Variants in SPAG16 observed in about 807,000 individuals in gnomAD.
SPAG16 encodes sperm associated antigen 16.
SPAG16 carries 86 observed loss-of-function variants against 80.4 expected under a neutral mutation model. That is an observed-to-expected ratio of 1.07 (90% CI 0.90 to 1.28). SPAG16 has a LOEUF of 1.28. Among genes scored for constraint, SPAG16 ranks in the 50% most tolerant of loss-of-function variants. SPAG16 has a pLI of 0.00. For missense variants in SPAG16, 870 were observed against 765.3 expected (o/e 1.14, Z -1.61); for synonymous variants, 294 against 265.9 (o/e 1.11, Z -1.03).
At chr2:213,913,565 G>T (rs2077783619) in intron 11 of SPAG16, among the ~76,000 whole-genome samples, 1 of 113,886 alleles carries the variant, frequency 8.8e-6, no homozygotes, top group Non-Finnish European at 1.9e-5. Flanking sequence ...ATCTCTCTGT[G>T]TGTGTATATA....
intron 10 of SPAG16, among the ~76,000 whole-genome samples, chr2:213,796,403 A>G (rs180989329): frequency 6.6e-6 from 1 of 152,236 alleles, no homozygotes; most frequent in East Asian, 1.9e-4. Context: ...GTGTTTTTTA[A>G]TGTCTGAATT....
intron 10 of SPAG16, among the ~76,000 whole-genome samples, chr2:213,592,699 C>T (rs187585203): frequency 6.6e-6 from 1 of 152,228 alleles, no homozygotes; most frequent in African/African-American, 2.4e-5. Context: ...GTGTGCTCTC[C>T]ATGAAGGGAG....
chr2:214,040,298 C>A (rs905016188), intron 13 of SPAG16, among the ~76,000 whole-genome samples: 7 of 152,054 alleles, frequency 4.6e-5, no homozygotes, highest in Non-Finnish European at 1.0e-4. Context: ...TTCTTCCATT[C>A]TTTTAAACTT....
intron 10 of SPAG16, among the ~76,000 whole-genome samples, chr2:213,634,090 GTCTTC>G (rs1022621534): frequency 7.4e-4 from 113 of 152,012 alleles, no homozygotes; most frequent in African/African-American, 1.7e-3. Context: ...TTGTTTTGTG[GTCTTC>G]TCTTCTTTCT....
chr2:213,655,045 G>A (rs1389702424), intron 10 of SPAG16, among the ~76,000 whole-genome samples: 1 of 152,146 alleles, frequency 6.6e-6, no homozygotes, highest in East Asian at 1.9e-4. Context: ...TACTACAATG[G>A]TGGGTACATG....
chr2:214,164,666 G>C (rs1336303582), intron 15 of SPAG16, among the ~76,000 whole-genome samples: 2 of 152,014 alleles, frequency 1.3e-5, no homozygotes, highest in South Asian at 2.1e-4. Flanking sequence ...ATGGGGTATA[G>C]GTAAATTAAA....
intron 11 of SPAG16, among the ~76,000 whole-genome samples, chr2:213,889,702 CATAT>C (rs980332987): frequency 2.1e-5 from 3 of 142,826 alleles, no homozygotes; most frequent in Non-Finnish European, 3.1e-5. Flanking sequence ...TATATATACA[CATAT>C]ATATACATAT....
chr2:213,858,236 A>G (rs937618110), intron 10 of SPAG16, among the ~76,000 whole-genome samples: 4 of 152,218 alleles, frequency 2.6e-5, no homozygotes, highest in African/African-American at 4.8e-5. Flanking sequence ...ATCAAACAAT[A>G]TCACATGCCA....
chr2:214,068,019 A>C (rs1038734567), intron 13 of SPAG16, among the ~76,000 whole-genome samples: 2 of 152,176 alleles, frequency 1.3e-5, no homozygotes, highest in African/African-American at 4.8e-5. Context: ...CACTGCATCT[A>C]TATGGAAGCC....
intron 10 of SPAG16, among the ~76,000 whole-genome samples, chr2:213,742,547 CTT>C (rs35850810): frequency 8.1e-5 from 2 of 24,810 alleles, no homozygotes; most frequent in African/African-American, 1.3e-4. Context: ...TTGCTTATTT[CTT>C]TTTTTTTTTT....
At chr2:213,962,523 G>A (rs558102670) in intron 12 of SPAG16, among the ~76,000 whole-genome samples, 17 of 152,150 alleles carry the variant, frequency 1.1e-4, no homozygotes, top group Non-Finnish European at 2.1e-4. Context: ...GACGGCAAGG[G>A]TATGTGTGTA....
At chr2:213,737,892 G>A (rs1447251616) in intron 10 of SPAG16, among the ~76,000 whole-genome samples, 1 of 152,022 alleles carries the variant, frequency 6.6e-6, no homozygotes, top group African/African-American at 2.4e-5. Flanking sequence ...CCCCAGTTGT[G>A]TCTCTTTTTC....
chr2:213,661,452 T>C (rs114636940), intron 10 of SPAG16, among the ~76,000 whole-genome samples: 3,062 of 152,336 alleles, frequency 0.02, 86 homozygotes, highest in African/African-American at 0.059. Context: ...AAAGTATTTG[T>C]ATTTTTCTAA....
At chr2:213,767,120 A>C (rs1434217957) in intron 10 of SPAG16, among the ~76,000 whole-genome samples, 1 of 152,218 alleles carries the variant, frequency 6.6e-6, no homozygotes, top group African/African-American at 2.4e-5. Flanking sequence ...GTCATTCTTC[A>C]AAGGAAAAGG....
Position 214,367,807 on chromosome 2 carries a change from T to C in SPAG16, c.1721-42333T>C, listed in dbSNP as rs1341994146. On this transcript the variant is annotated intron_variant, in intron 15 of 15. Transcript: ENST00000331683. ...ATCATGCTGTATCACCCAGCTCCAC[T>C]TTTTTTCCTTGAAGAAAATTCTGTT... 3.3e-5 allele frequency among the ~76,000 whole-genome samples: 5 copies of C among 152,114 alleles called. No homozygotes were observed. The East Asian group carries it at 5.8e-4, about 18-fold the overall frequency.
intron 13 of SPAG16, among the ~76,000 whole-genome samples, chr2:214,028,279 G>A (rs1215847346): frequency 1.3e-5 from 2 of 152,018 alleles, no homozygotes; most frequent in Non-Finnish European, 2.9e-5. Context: ...GTACTTCTTA[G>A]ATAGGCTCAT....
intron 15 of SPAG16, among the ~76,000 whole-genome samples, chr2:214,355,066 C>T (rs1180972635): frequency 3.9e-5 from 6 of 152,144 alleles, no homozygotes; most frequent in Admixed American, 2.6e-4. Context: ...ACCATAAAAA[C>T]CCTAGAAGAA....
At chr2:214,273,332 T>C (rs1692183673) in intron 15 of SPAG16, among the ~76,000 whole-genome samples, 1 of 152,196 alleles carries the variant, frequency 6.6e-6, no homozygotes, top group Non-Finnish European at 1.5e-5. Flanking sequence ...TTTGTTGCCA[T>C]TGCTTTTGGT....
chr2:213,616,210 A>G (rs1209973219), intron 10 of SPAG16, among the ~76,000 whole-genome samples: 1 of 152,252 alleles, frequency 6.6e-6, no homozygotes, highest in East Asian at 1.9e-4. Context: ...TTTCAAGATA[A>G]CAATGGAAGA....
Sources: gnomAD v4.1 joint callset for allele counts (sites outside exome capture counted in the v4.1 genomes callset) on GRCh38, gnomAD v4.1.1 for gene constraint, MANE v1.5 for transcripts, NCBI Gene and HGNC (gene_info 2026-07-23, HGNC 2026-07-21) for gene names.